The following TRHDE variants were observed in gnomAD, a reference collection of about 807,000 sequenced individuals.
The protein encoded by TRHDE is thyrotropin-releasing hormone-degrading ectoenzyme.
TRHDE carries 72 observed loss-of-function variants against 125.7 expected under a neutral mutation model. The ratio of observed to expected loss-of-function variants is 0.57; its 90% CI spans 0.47 to 0.70. The LOEUF is 0.70. TRHDE is among the 30% of genes least tolerant of loss of function. The pLI, the probability that TRHDE is intolerant of heterozygous loss-of-function variation, is 0.00. For missense variants in TRHDE, 1,110 were observed against 1,327.1 expected (o/e 0.84, Z 2.54); for synonymous variants, 509 against 509.1 (o/e 1.00, Z 0.00).
intron 12 of TRHDE, 45 bp from the exon 13 acceptor site, chr12:72,618,846 T>C: frequency 7.1e-7 from 1 of 1,411,186 alleles, no homozygotes; most frequent in African/African-American, 1.5e-5. Flanking sequence ...AGTAAAAATC[T>C]TCGTTTGTGC....
At chr12:72,332,022 G>A (rs34097668) in intron 2 of TRHDE, among the ~76,000 whole-genome samples, 52,768 of 152,038 alleles carry the variant, frequency 0.35, 9,883 homozygotes, top group Non-Finnish European at 0.43. Context: ...CATGGTATTG[G>A]CACCTGCTTC....
intron 5 of TRHDE, among the ~76,000 whole-genome samples, chr12:72,478,928 A>AC (rs1877026823): frequency 6.6e-6 from 1 of 150,908 alleles, no homozygotes; most frequent in Non-Finnish European, 1.5e-5. Flanking sequence ...TTAGCAAAAA[A>AC]AAAAAAAAAA....
At chr12:72,145,591 G>T (rs1348495673) in intron 2 of TRHDE, among the ~76,000 whole-genome samples, 2 of 152,122 alleles carry the variant, frequency 1.3e-5, no homozygotes, top group African/African-American at 2.4e-5. Flanking sequence ...ATCACTAAGG[G>T]CTTGAAAGTA....
intron 15 of TRHDE, among the ~76,000 whole-genome samples, chr12:72,622,042 T>G (rs1383778960): frequency 6.6e-6 from 1 of 152,140 alleles, no homozygotes. Flanking sequence ...TGCTATCTCA[T>G]AAGAACAAAA....
intron 3 of TRHDE, among the ~76,000 whole-genome samples, chr12:72,444,649 G>A (rs1875185582): frequency 6.6e-6 from 1 of 151,826 alleles, no homozygotes; most frequent in South Asian, 2.1e-4. Flanking sequence ...TTGGAGAGAA[G>A]TGAGAGATAG....
chr12:72,564,912 C>T (rs1870368338), intron 9 of TRHDE, among the ~76,000 whole-genome samples: 1 of 151,780 alleles, frequency 6.6e-6, no homozygotes, highest in Admixed American at 6.6e-5. Context: ...GTGACCCACC[C>T]GCCTCGGCCT....
At chr12:72,524,178 G>A (rs958519428) in intron 6 of TRHDE, among the ~76,000 whole-genome samples, 4 of 152,124 alleles carry the variant, frequency 2.6e-5, no homozygotes, top group Non-Finnish European at 5.9e-5. Context: ...AGCTGAAGGT[G>A]GTTTGATGAA....
Position 72,665,980 on chromosome 12 carries a change from G to A in TRHDE, c.*2785G>A, listed in dbSNP as rs1358690634. On this transcript the variant is annotated 3_prime_UTR_variant, in exon 19 of 19. Coordinates refer to ENST00000261180, the MANE Select transcript of TRHDE (RefSeq NM_013381.3). The stretch of plus-strand genomic sequence containing the variant: ...AGTTTCAATAACATGTATTTTAGTT[G>A]GGTCATAAACTTGCATTATTTTATA... The A allele has an allele frequency of 2.0e-5, 3 of 151,854 alleles. No individual in the cohort carries two copies. Among genetic ancestry groups the A allele is most frequent in the Non-Finnish European group, 4.4e-5 (3 of 67,966 alleles). The allele number at this position is 151,854 out of a possible 1,614,324, so 9.4% of individuals were successfully genotyped here.
At chr12:72,637,768 A>T (rs1352597867) in intron 15 of TRHDE, among the ~76,000 whole-genome samples, 3 of 152,168 alleles carry the variant, frequency 2.0e-5, no homozygotes, top group Non-Finnish European at 1.5e-5. Context: ...TGTACCCAGT[A>T]GTCATTCAGG....
chr12:72,378,106 T>A lies in TRHDE; in HGVS notation c.1300T>A (p.Ser434Thr). The A allele has an allele frequency of 6.3e-7, 1 of 1,577,790 alleles. No homozygotes were observed. The change falls in exon 3 of 19, where the codon TCC becomes ACC. Residue 434 changes from serine (S) to threonine (T), a missense_variant. Around this residue, in one of 5 missense-constraint regions of TRHDE, gnomAD observed 252 missense variants for 274.8 expected, o/e 0.92. Coordinates refer to ENST00000261180, the MANE Select transcript of TRHDE (RefSeq NM_013381.3). The part of the protein sequence containing the change: ...FYEDYFKVPY[S>T]LPKLDLLAVP... ...TGAAGACTACTTTAAAGTGCCCTAT[T>A]CCTTGCCAAAACTAGGTAAGAATTT...
At chr12:72,618,224 T>C (rs1872899908) in intron 12 of TRHDE, among the ~76,000 whole-genome samples, 1 of 152,182 alleles carries the variant, frequency 6.6e-6, no homozygotes, top group South Asian at 2.1e-4. Flanking sequence ...TACAATTTAG[T>C]ATTTTCTAAG....
In TRHDE at chr12:72,204,564, A is replaced by G. The variant is rs192443078; in HGVS notation, n.279+98812A>G. ...GTCAAAACTCCTAACTTAATTGATT[A>G]ATTATTTCCAGCTGATGTCCCTTAG... is the stretch of plus-strand genomic sequence containing the variant. On this transcript the variant is annotated intron_variant and non_coding_transcript_variant, in intron 2 of 4. Coordinates refer to the TRHDE transcript ENST00000548156. 2.8e-3 allele frequency among the ~76,000 whole-genome samples: 426 copies of G among 152,042 alleles called. 2 individuals carry two copies. Among genetic ancestry groups the G allele is most frequent in the African/African-American group, 9.8e-3 (408 of 41,552 alleles).
intron 2 of TRHDE, among the ~76,000 whole-genome samples, chr12:72,309,152 C>T (rs1432082930): frequency 2.0e-5 from 3 of 152,088 alleles, no homozygotes; most frequent in Non-Finnish European, 2.9e-5. Context: ...TTTCCAGTCC[C>T]CAGCAGCTAG....
At chr12:72,576,373 T>C (rs924540194) in intron 12 of TRHDE, among the ~76,000 whole-genome samples, 4 of 152,148 alleles carry the variant, frequency 2.6e-5, no homozygotes, top group African/African-American at 9.6e-5. Context: ...TGACTTATTT[T>C]AGTAATAGGC....
intron 3 of TRHDE, among the ~76,000 whole-genome samples, chr12:72,457,966 G>A (rs1198645573): frequency 6.6e-6 from 1 of 152,084 alleles, no homozygotes; most frequent in Non-Finnish European, 1.5e-5. Context: ...TATTCAAACC[G>A]CTAAATTGAT....
At chr12:72,332,520 C>T (rs1482813685) in intron 2 of TRHDE, among the ~76,000 whole-genome samples, 3 of 152,158 alleles carry the variant, frequency 2.0e-5, no homozygotes, top group Non-Finnish European at 4.4e-5. Context: ...CGTGAGAGAT[C>T]CGCCCCCATG....
At chr12:72,608,067 G>A (rs1872517882) in intron 12 of TRHDE, among the ~76,000 whole-genome samples, 1 of 152,054 alleles carries the variant, frequency 6.6e-6, no homozygotes, top group African/African-American at 2.4e-5. Flanking sequence ...ATGAACTAGA[G>A]CTGTACTTGG....
intron 2 of TRHDE, among the ~76,000 whole-genome samples, chr12:72,145,877 T>A (rs1876215683): frequency 6.6e-6 from 1 of 152,192 alleles, no homozygotes; most frequent in Admixed American, 6.5e-5. Context: ...TAAAACATGA[T>A]TTTTATTAAA....
At chr12:72,425,588 C>T (rs1193427230) in intron 3 of TRHDE, among the ~76,000 whole-genome samples, 1 of 152,040 alleles carries the variant, frequency 6.6e-6, no homozygotes, top group Non-Finnish European at 1.5e-5. Flanking sequence ...TTTTTCATCA[C>T]AGGATTGAAG....
Sources: gnomAD v4.1 joint callset for allele counts (sites outside exome capture counted in the v4.1 genomes callset) on GRCh38, gnomAD v4.1.1 for gene constraint, gnomAD v4.1.1 regional missense constraint, MANE v1.5 for transcripts, NCBI Gene and HGNC (gene_info 2026-07-23, HGNC 2026-07-21) for gene names.